Variants in CRADD observed in about 807,000 individuals in gnomAD.
The protein encoded by CRADD is CARD and death domain containing adaptor protein.
CRADD carries 9 observed loss-of-function variants against 15.5 expected under a neutral mutation model. The ratio of observed to expected loss-of-function variants is 0.58; its 90% CI spans 0.35 to 1.01. The LOEUF is 1.01. Ranked by LOEUF, CRADD falls within the 50% of genes least tolerant of loss-of-function variation. The probability of loss-of-function intolerance (pLI) is 0.02; values close to 1 mark genes in which losing one functional copy is unlikely to be tolerated. For missense variants in CRADD, 227 were observed against 250.3 expected, an observed-to-expected ratio of 0.91 and a Z score of 0.63; for synonymous variants, 118 against 107.6, an observed-to-expected ratio of 1.10 and a Z score of -0.60.
intron 2 of CRADD, among the ~76,000 whole-genome samples, chr12:93,738,827 GAA>G (rs964555639): frequency 2.3e-5 from 3 of 129,744 alleles, no homozygotes; most frequent in Non-Finnish European, 5.4e-5. Flanking sequence ...GAAGGAGAAA[GAA>G]AGAAGGAAAG....
intron 2 of CRADD, among the ~76,000 whole-genome samples, chr12:93,704,104 A>C (rs1426321308): frequency 2.0e-5 from 3 of 148,066 alleles, no homozygotes; most frequent in African/African-American, 5.0e-5. Context: ...TACAGGTGTG[A>C]GCCACCACAC....
At chr12:93,706,695 G>C (rs1480268144) in intron 2 of CRADD, among the ~76,000 whole-genome samples, 4 of 152,090 alleles carry the variant, frequency 2.6e-5, no homozygotes, top group Admixed American at 1.3e-4. Context: ...AAAATTGTTT[G>C]TACAAATAAA....
chr12:93,877,064 C>T (rs1958462519), intron 2 of CRADD, among the ~76,000 whole-genome samples: 1 of 152,194 alleles, frequency 6.6e-6, no homozygotes, highest in African/African-American at 2.4e-5. Flanking sequence ...TTCTTGTAGA[C>T]TCATAGAAGT....
At chr12:93,810,465 C>T (rs1211283713) in intron 2 of CRADD, among the ~76,000 whole-genome samples, 2 of 138,644 alleles carry the variant, frequency 1.4e-5, no homozygotes, top group Non-Finnish European at 1.5e-5. Flanking sequence ...GCAGGAGAAT[C>T]GCTTGAACCC....
At chr12:93,774,135 C>T (rs1400634758) in intron 2 of CRADD, among the ~76,000 whole-genome samples, 1 of 151,836 alleles carries the variant, frequency 6.6e-6, no homozygotes, top group Non-Finnish European at 1.5e-5. Context: ...TGTTTCTGGC[C>T]ACCATAGCTA....
intron 2 of CRADD, among the ~76,000 whole-genome samples, chr12:93,739,819 G>A (rs1956641482): frequency 6.6e-6 from 1 of 152,106 alleles, no homozygotes; most frequent in South Asian, 2.1e-4. Context: ...ATATTTTATA[G>A]GGAGAACATT....
intron 2 of CRADD, among the ~76,000 whole-genome samples, chr12:93,814,865 A>T (rs1276223915): frequency 3.9e-5 from 6 of 151,916 alleles, no homozygotes; most frequent in South Asian, 4.1e-4. Flanking sequence ...ATGTTTTCTT[A>T]AAAAAAATTA....
chr12:93,738,646 A>G, intron 2 of CRADD: 1 of 542,094 alleles, frequency 1.8e-6, no homozygotes, highest in South Asian at 2.7e-5. Flanking sequence ...ACCTTTGGTT[A>G]TTCTTTTTTG....
At chr12:93,837,007 A>G (rs1328064383) in intron 2 of CRADD, among the ~76,000 whole-genome samples, 1 of 152,208 alleles carries the variant, frequency 6.6e-6, no homozygotes, top group Non-Finnish European at 1.5e-5. Context: ...CAGTCAGGGC[A>G]GCTGCCCTGA....
chr12:93,735,985 A>G (rs919589906), intron 2 of CRADD, among the ~76,000 whole-genome samples: 2 of 151,816 alleles, frequency 1.3e-5, no homozygotes, highest in Non-Finnish European at 2.9e-5. Context: ...TGAACCCTGG[A>G]GGCGGAGGTT....
chr12:93,759,430 A>C lies in CRADD; in HGVS notation c.298+80358A>C, dbSNP rs542355863. Among the ~76,000 whole-genome samples, 4 of 152,338 alleles carry C rather than the reference A, an allele frequency of 2.6e-5. No homozygotes were observed. In the South Asian group the frequency reaches 8.3e-4, roughly 32 times the overall value. ...TAGAACTAGCTCGAGAAAGGAAAAA[A>C]AAAATCTTCTCTTAGATTCTTTGCA... On this transcript the variant is annotated intron_variant, in intron 2 of 2. Transcript: ENST00000332896.
Position 93,733,951 on chromosome 12 carries a change from G to A in CRADD, c.298+54879G>A, listed in dbSNP as rs541788137. On this transcript the variant is annotated intron_variant, in intron 2 of 2. Coordinates refer to ENST00000332896, the MANE Select transcript of CRADD (RefSeq NM_003805.5). ...AGGGTTTTGCCATGTTGCCCAGGCT[G>A]GTCTCAAACTCCTGGGCTCAGGCCA... is the stretch of plus-strand genomic sequence containing the variant. Among the ~76,000 whole-genome samples, 5 of 152,186 alleles carry A rather than the reference G, an allele frequency of 3.3e-5. No individual in the cohort carries two copies. The South Asian group carries it at 1.0e-3, about 32-fold the overall frequency.
intron 2 of CRADD, among the ~76,000 whole-genome samples, chr12:93,756,111 T>A (rs1956887366): frequency 1.3e-5 from 2 of 152,194 alleles, no homozygotes; most frequent in South Asian, 4.1e-4. Flanking sequence ...TTGCACTTTT[T>A]AAAAAAGCAC....
chr12:93,784,335 A>C (rs1284877363), intron 2 of CRADD, among the ~76,000 whole-genome samples: 4 of 152,076 alleles, frequency 2.6e-5, no homozygotes, highest in African/African-American at 4.8e-5. Flanking sequence ...AGTCTTTTGA[A>C]TATCTAATCA....
chr12:93,686,381 A>AT (rs1229940171), intron 2 of CRADD, among the ~76,000 whole-genome samples: 7 of 151,312 alleles, frequency 4.6e-5, no homozygotes, highest in Non-Finnish European at 5.9e-5. Context: ...TTCATCATAT[A>AT]TTTTTTTAAT....
At position 93,834,649 on chromosome 12, in the gene CRADD, C is replaced by T. The variant is rs143510016; in HGVS notation, c.299-15321C>T. Among the ~76,000 whole-genome samples, 1,277 of 152,224 alleles carry T rather than the reference C, an allele frequency of 8.4e-3. 14 individuals carry two copies. The highest frequency in any genetic ancestry group is 0.028 in the African/African-American group (1,168 of 41,530). ...GACTACAGGCCTGCGCCACCACATC[C>T]GGCTAATTTTGTATTTTCAGTAGAG... On this transcript the variant is annotated intron_variant, in intron 2 of 2. Coordinates refer to ENST00000332896, the MANE Select transcript of CRADD (RefSeq NM_003805.5).
intron 2 of CRADD, among the ~76,000 whole-genome samples, chr12:93,712,238 T>G (rs73361503): frequency 0.028 from 4,258 of 152,360 alleles, 128 homozygotes; most frequent in East Asian, 0.086. Flanking sequence ...GAAGAGTATC[T>G]GGAGCATGAT....
At chr12:93,741,029 C>T (rs1956658195) in intron 2 of CRADD, among the ~76,000 whole-genome samples, 1 of 152,034 alleles carries the variant, frequency 6.6e-6, no homozygotes, top group Non-Finnish European at 1.5e-5. Flanking sequence ...TCCTGAAGGC[C>T]AGCTATTAAG....
intron 2 of CRADD, among the ~76,000 whole-genome samples, chr12:93,844,304 G>A (rs1593038772): frequency 6.6e-6 from 1 of 152,106 alleles, no homozygotes; most frequent in Admixed American, 6.5e-5. Context: ...ACATCCTTGG[G>A]ACTCTCATTT....
Sources: allele counts gnomAD v4.1 joint callset (sites outside exome capture counted in the v4.1 genomes callset), GRCh38; gene constraint gnomAD v4.1.1; transcripts MANE v1.5; gene names NCBI Gene and HGNC (gene_info 2026-07-23, HGNC 2026-07-21).